The following RPS6KC1 variants were observed in gnomAD, a reference collection of about 807,000 sequenced individuals.
The protein encoded by RPS6KC1 is inactive ribosomal protein S6 kinase delta-1.
RPS6KC1 carries 54 observed loss-of-function variants against 103.8 expected under a neutral mutation model. That is an observed-to-expected ratio of 0.52 (90% CI 0.42 to 0.65). The LOEUF is 0.65. Among genes scored for constraint, RPS6KC1 ranks in the 30% least tolerant of loss-of-function variants. The pLI, the probability that RPS6KC1 is intolerant of heterozygous loss-of-function variation, is 0.00. For missense variants in RPS6KC1, 1,151 were observed against 1,253.8 expected (o/e 0.92, Z 1.24); for synonymous variants, 439 against 438.7 (o/e 1.00, Z -0.01).
the RPS6KC1 span, among the ~76,000 whole-genome samples, chr1:213,588,598 CTCTGTCTCTTAATACTATTGCATTGGA>C: frequency 6.6e-6 from 1 of 152,080 alleles, no homozygotes; most frequent in South Asian, 2.1e-4. Context: ...CATGCCCGGC[CTCTGTCTCTTAATACTATTGCATTGGA>C]TCTTAGGTTA....
At chr1:213,310,748 C>T in the RPS6KC1 span, among the ~76,000 whole-genome samples, 3 of 152,196 alleles carry the variant, frequency 2.0e-5, no homozygotes, top group Admixed American at 6.5e-5. Context: ...AAATAAATAG[C>T]ATGAATATGG....
the RPS6KC1 span, among the ~76,000 whole-genome samples, chr1:213,634,885 TA>T: frequency 1.3e-5 from 2 of 150,388 alleles, no homozygotes; most frequent in Admixed American, 1.3e-4. Context: ...GCAAGACTAA[TA>T]AAGAAGAAAA....
At chr1:213,464,547 A>G in the RPS6KC1 span, among the ~76,000 whole-genome samples, 1 of 152,150 alleles carries the variant, frequency 6.6e-6, no homozygotes, top group East Asian at 1.9e-4. Flanking sequence ...TTTTAAAAAA[A>G]TATATTATCT....
At chr1:213,305,681 A>G in the RPS6KC1 span, among the ~76,000 whole-genome samples, 1 of 152,174 alleles carries the variant, frequency 6.6e-6, no homozygotes, top group Non-Finnish European at 1.5e-5. Flanking sequence ...ATTAGATGGC[A>G]TCAGTGTTTC....
the RPS6KC1 span, among the ~76,000 whole-genome samples, chr1:213,562,807 G>T: frequency 6.6e-6 from 1 of 152,110 alleles, no homozygotes; most frequent in African/African-American, 2.4e-5. Context: ...ATGATCACAA[G>T]TGTGTGCCAC....
chr1:213,309,274 G>A, the RPS6KC1 span, among the ~76,000 whole-genome samples: 1 of 152,108 alleles, frequency 6.6e-6, no homozygotes, highest in East Asian at 1.9e-4. Flanking sequence ...CAGCCTGGGT[G>A]ACAGAGTGAG....
chr1:213,352,086 T>C, the RPS6KC1 span, among the ~76,000 whole-genome samples: 2 of 152,094 alleles, frequency 1.3e-5, no homozygotes, highest in African/African-American at 2.4e-5. Flanking sequence ...AAAAATTAGC[T>C]CCAAATTTAT....
chr1:213,787,089 C>T, the RPS6KC1 span, among the ~76,000 whole-genome samples: 1 of 152,146 alleles, frequency 6.6e-6, no homozygotes, highest in Non-Finnish European at 1.5e-5. Context: ...CACTTACTAA[C>T]CTTATAACTT....
At chr1:213,204,619 AC>A (rs2148610232) in intron 8 of RPS6KC1, among the ~76,000 whole-genome samples, 1 of 142,390 alleles carries the variant, frequency 7.0e-6, no homozygotes, top group African/African-American at 2.6e-5. Context: ...TTTAATTGTC[AC>A]TTTTTTTTTT....
chr1:213,435,390 A>C, the RPS6KC1 span, among the ~76,000 whole-genome samples: 2 of 152,176 alleles, frequency 1.3e-5, no homozygotes, highest in African/African-American at 4.8e-5. Context: ...CTGTTTTTGC[A>C]TAACTGGTAA....
chr1:213,638,651 A>AAAAGTG, the RPS6KC1 span, among the ~76,000 whole-genome samples: 1 of 152,040 alleles, frequency 6.6e-6, no homozygotes, highest in Non-Finnish European at 1.5e-5. Context: ...CACTTTTGTC[A>AAAAGTG]CATATTAGAT....
chr1:213,658,571 T>A, the RPS6KC1 span, among the ~76,000 whole-genome samples: 1 of 152,186 alleles, frequency 6.6e-6, no homozygotes, highest in African/African-American at 2.4e-5. Flanking sequence ...GCAAGACAGA[T>A]CTTCCTTGGT....
chr1:213,569,732 G>T, the RPS6KC1 span, among the ~76,000 whole-genome samples: 1 of 152,288 alleles, frequency 6.6e-6, no homozygotes, highest in African/African-American at 2.4e-5. Context: ...GATCATTTGT[G>T]GTCAGGGCAG....
the RPS6KC1 span, among the ~76,000 whole-genome samples, chr1:213,850,161 C>T: frequency 6.6e-6 from 1 of 152,090 alleles, no homozygotes; most frequent in Non-Finnish European, 1.5e-5. Flanking sequence ...TAACAGTAAT[C>T]TTTATCTTGC....
At chr1:213,522,744 C>T in the RPS6KC1 span, among the ~76,000 whole-genome samples, 1 of 152,184 alleles carries the variant, frequency 6.6e-6, no homozygotes. Context: ...GCTTCCTCAC[C>T]TCTGTCAGCC....
chr1:213,226,364 C>A (rs2093963248), intron 8 of RPS6KC1, among the ~76,000 whole-genome samples: 1 of 152,164 alleles, frequency 6.6e-6, no homozygotes, highest in Non-Finnish European at 1.5e-5. Context: ...CCTCCTTTTA[C>A]ATTCTTGATA....
At chr1:213,363,759 CTTCTTTCTTTCT>C in the RPS6KC1 span, among the ~76,000 whole-genome samples, 9,349 of 56,510 alleles carry the variant, frequency 0.17, 1,514 homozygotes, top group Admixed American at 0.2. Flanking sequence ...CTCTTTCTCT[CTTCTTTCTTTCT>C]TTCTTTCTTT....
At chr1:213,689,326 C>T in the RPS6KC1 span, among the ~76,000 whole-genome samples, 5 of 152,208 alleles carry the variant, frequency 3.3e-5, no homozygotes, top group Non-Finnish European at 7.3e-5. Context: ...CAAAGCACTA[C>T]CTCTACTCCA....
intron 6 of RPS6KC1, among the ~76,000 whole-genome samples, chr1:213,151,661 C>T (rs2088954463): frequency 3.3e-5 from 3 of 90,300 alleles, no homozygotes; most frequent in Admixed American, 2.6e-4. Flanking sequence ...TCCTCACTTC[C>T]CAGTAGGGGC....
Sources: gnomAD v4.1 joint callset for allele counts (sites outside exome capture counted in the v4.1 genomes callset) on GRCh38, gnomAD v4.1.1 for gene constraint, MANE v1.5 for transcripts, NCBI Gene and HGNC (gene_info 2026-07-23, HGNC 2026-07-21) for gene names.